Variants in DCBLD2 observed in about 807,000 individuals in gnomAD.
The protein encoded by DCBLD2 is discoidin, CUB and LCCL domain-containing protein 2.
A neutral mutation model predicts 86.8 loss-of-function variants in DCBLD2; 54 were observed. The ratio of observed to expected loss-of-function variants is 0.62; its 90% CI spans 0.50 to 0.78. The LOEUF (loss-of-function observed/expected upper bound fraction) is 0.78. Among genes scored for constraint, DCBLD2 ranks in the 30% least tolerant of loss-of-function variants. The probability of loss-of-function intolerance (pLI) is 0.00; values close to 1 mark genes in which losing one functional copy is unlikely to be tolerated. For synonymous variants in DCBLD2, 354 were observed against 341.3 expected (o/e 1.04, Z -0.41); for missense variants, 908 against 954.2 (o/e 0.95, Z 0.64).
chr3:98,835,938 C>CTTTCTTCCTTCCTTTCTTTCTTTCTTTCT (rs56279917), intron 3 of DCBLD2, among the ~76,000 whole-genome samples: 1 of 115,054 alleles, frequency 8.7e-6, no homozygotes, highest in African/African-American at 3.4e-5. Context: ...TCCTTTCTTT[C>CTTTCTTCCTTCCTTTCTTTCTTTCTTTCT]TTTTTTTTTT....
At chr3:98,811,930 C>A (rs113968539) in intron 10 of DCBLD2, among the ~76,000 whole-genome samples, 8 of 151,990 alleles carry the variant, frequency 5.3e-5, no homozygotes, top group Non-Finnish European at 7.4e-5. Flanking sequence ...AGCCTTTGGG[C>A]GTACAAAAGT....
rs113777349 is a variant in DCBLD2, at chr3:98,830,610, A to G, written c.572-5244T>C. Among the ~76,000 whole-genome samples the G allele has an allele frequency of 1.3e-3, 199 of 152,258 alleles. 1 individual carries two copies. In the East Asian group the frequency reaches 0.016, roughly 13 times the overall value. On this transcript the variant is annotated intron_variant, in intron 3 of 15. Transcript: ENST00000326840. ...TATTGGTCTACGCACCTATTTCTGT[A>G]CCAGTACCATGCTGTTTTGGTTACT...
intron 2 of DCBLD2, among the ~76,000 whole-genome samples, chr3:98,873,334 T>G (rs1314735355): frequency 6.6e-6 from 1 of 152,118 alleles, no homozygotes; most frequent in Non-Finnish European, 1.5e-5. Flanking sequence ...GATTTTTAAA[T>G]GCATATCAAA....
At chr3:98,801,258 C>A in intron 14 of DCBLD2, 1 of 293,380 alleles carries the variant, frequency 3.4e-6, no homozygotes, top group South Asian at 1.1e-4. Context: ...CACACTGTGT[C>A]CTGGAGACCA....
At chr3:98,865,466 G>A (rs1943126054) in intron 2 of DCBLD2, among the ~76,000 whole-genome samples, 3 of 152,274 alleles carry the variant, frequency 2.0e-5, no homozygotes, top group African/African-American at 4.8e-5. Context: ...GAGTTGGAGG[G>A]ATGAGCTGGA....
chr3:98,838,004 C>T (rs1415434006), intron 3 of DCBLD2, among the ~76,000 whole-genome samples: 6 of 87,756 alleles, frequency 6.8e-5, no homozygotes, highest in Admixed American at 9.7e-5. Flanking sequence ...CGGGCAGAGG[C>T]GCCCCTCACC....
At chr3:98,821,832 G>A (rs929055755) in intron 6 of DCBLD2, among the ~76,000 whole-genome samples, 2 of 152,084 alleles carry the variant, frequency 1.3e-5, no homozygotes, top group East Asian at 1.9e-4. Flanking sequence ...TGGATCACGA[G>A]GTCAGGAGTT....
At chr3:98,860,536 C>A (rs552115384) in intron 2 of DCBLD2, among the ~76,000 whole-genome samples, 119 of 152,320 alleles carry the variant, frequency 7.8e-4, no homozygotes, top group Admixed American at 2.4e-3. Context: ...TCAGGAGAAA[C>A]TCTACAAGCC....
At chr3:98,885,517 T>C (rs186614876) in intron 1 of DCBLD2, among the ~76,000 whole-genome samples, 1 of 152,068 alleles carries the variant, frequency 6.6e-6, no homozygotes, top group African/African-American at 2.4e-5. Flanking sequence ...GACCCCCTAA[T>C]GTGTCCCCAA....
chr3:98,798,417 T>G lies in DCBLD2; in HGVS notation c.*955A>C, dbSNP rs994216529. 2 of 152,236 alleles carry G rather than the reference T, an allele frequency of 1.3e-5. No individual in the cohort carries two copies. Among genetic ancestry groups the G allele is most frequent in the Admixed American group, 1.3e-4 (2 of 15,278 alleles). The allele number at this position is 152,236 out of a possible 1,614,324, so 9.4% of individuals were successfully genotyped here. A position where few individuals can be genotyped will look rare whatever the true frequency, so the allele number is the denominator to read the frequency against. On this transcript the variant is annotated 3_prime_UTR_variant, in exon 16 of 16. Coordinates refer to ENST00000326840, the MANE Select transcript of DCBLD2 (RefSeq NM_080927.4). The stretch of plus-strand genomic sequence containing the variant: ...TTATATTACTTCTGAGTGAATAATT[T>G]TGCCTTTCACTGTGATAAATATAAG...
At chr3:98,892,363 C>T (rs1943677531) in intron 1 of DCBLD2, among the ~76,000 whole-genome samples, 1 of 152,018 alleles carries the variant, frequency 6.6e-6, no homozygotes, top group African/African-American at 2.4e-5. Flanking sequence ...TTATCTAGTA[C>T]CCTGCCTTAT....
intron 1 of DCBLD2, among the ~76,000 whole-genome samples, chr3:98,892,141 T>C (rs1943672794): frequency 6.6e-6 from 1 of 152,104 alleles, no homozygotes; most frequent in Non-Finnish European, 1.5e-5. Context: ...ATTCAAATTC[T>C]AGACATGCCA....
intron 12 of DCBLD2, among the ~76,000 whole-genome samples, chr3:98,810,416 A>G (rs1941918837): frequency 6.6e-6 from 1 of 152,246 alleles, no homozygotes; most frequent in Non-Finnish European, 1.5e-5. Flanking sequence ...AACTTTCAAA[A>G]AATGAGAATG....
chr3:98,841,634 TG>T (rs1301583686), intron 3 of DCBLD2, among the ~76,000 whole-genome samples: 4 of 152,232 alleles, frequency 2.6e-5, no homozygotes, highest in Non-Finnish European at 5.9e-5. Flanking sequence ...TACTGTTTTG[TG>T]TTCTTGAATG....
chr3:98,898,980 A>C (rs939522621), intron 1 of DCBLD2, among the ~76,000 whole-genome samples: 1 of 152,048 alleles, frequency 6.6e-6, no homozygotes, highest in African/African-American at 2.4e-5. Flanking sequence ...TTAAGCTATG[A>C]GATAGGTATG....
intron 3 of DCBLD2, among the ~76,000 whole-genome samples, chr3:98,828,560 CT>C (rs1942265808): frequency 6.6e-6 from 1 of 152,148 alleles, no homozygotes; most frequent in Non-Finnish European, 1.5e-5. Flanking sequence ...ATAACAAGCA[CT>C]GGCAAAAATG....
In DCBLD2 at chr3:98,801,559, T is replaced by G. The variant is rs780421663; in HGVS notation, c.1720+41A>C. ...TACTGCCCCCTGTAGGGGAGCGACA[T>G]CCCTCTGATAGAAATGAGATGCAAA... On this transcript the variant is annotated intron_variant, in intron 14 of 15. Coordinates refer to ENST00000326840, the MANE Select transcript of DCBLD2 (RefSeq NM_080927.4). The G allele has an allele frequency of 3.2e-6, 5 of 1,560,668 alleles. No homozygotes were observed. The South Asian group carries it at 5.8e-5, about 18-fold the overall frequency.
chr3:98,824,391 C>G (rs763034460), intron 4 of DCBLD2, among the ~76,000 whole-genome samples: 2 of 152,022 alleles, frequency 1.3e-5, no homozygotes, highest in African/African-American at 2.4e-5. Flanking sequence ...GAGAGTGGCG[C>G]GAGCGCAGCT....
intron 9 of DCBLD2, 194 bp from the exon 10 acceptor site, chr3:98,812,676 T>C: frequency 2.2e-6 from 1 of 461,226 alleles, no homozygotes; most frequent in Non-Finnish European, 3.8e-6. Context: ...TTATCAAAAG[T>C]TTATGAAACA....
Sources: allele counts gnomAD v4.1 joint callset (sites outside exome capture counted in the v4.1 genomes callset), GRCh38; gene constraint gnomAD v4.1.1; transcripts MANE v1.5; gene names NCBI Gene and HGNC (gene_info 2026-07-23, HGNC 2026-07-21).